The following CCDC66 variants were observed in gnomAD, a reference collection of about 807,000 sequenced individuals.
CCDC66 encodes the protein coiled-coil domain containing 66, also known as coiled-coil domain-containing protein 66.
CCDC66 carries 133 observed loss-of-function variants against 128.3 expected under a neutral mutation model. The ratio of observed to expected loss-of-function variants is 1.04; its 90% CI spans 0.90 to 1.20. CCDC66 has a LOEUF of 1.20. Among genes scored for constraint, CCDC66 ranks in the 50% most tolerant of loss-of-function variants. CCDC66 has a pLI of 0.00. For missense variants in CCDC66, 1,126 were observed against 1,075.5 expected (o/e 1.05, Z -0.66); for synonymous variants, 387 against 357.0 (o/e 1.08, Z -0.95).
intron 1 of CCDC66, 50 bp downstream of exon 1, chr3:56,557,303 G>T: frequency 6.5e-7 from 1 of 1,548,350 alleles, no homozygotes; most frequent in Non-Finnish European, 8.7e-7. Context: ...GTGGTCGTCA[G>T]CGGAGAGGGA....
At chr3:56,599,893 C>T (rs2072838018) in intron 10 of CCDC66, among the ~76,000 whole-genome samples, 1 of 152,098 alleles carries the variant, frequency 6.6e-6, no homozygotes, top group Non-Finnish European at 1.5e-5. Flanking sequence ...CATGTGTTCT[C>T]ATGGTTCAAC....
chr3:56,564,862 C>T (rs926135658), intron 4 of CCDC66, among the ~76,000 whole-genome samples: 1 of 152,178 alleles, frequency 6.6e-6, no homozygotes, highest in Non-Finnish European at 1.5e-5. Flanking sequence ...CCGTGATACT[C>T]AAGATGGAAT....
chr3:56,620,322 T>C (rs1239567905), intron 17 of CCDC66: 2 of 154,490 alleles, frequency 1.3e-5, no homozygotes, highest in African/African-American at 4.8e-5. Flanking sequence ...AGTAATAAAT[T>C]CAGTATGAAA....
At position 56,564,070 on chromosome 3, in the gene CCDC66, T is replaced by C. The variant is rs763816920; in HGVS notation, c.489T>C (p.Thr163=). ...TQDQLQQILM[T]VNQGNRSLSL... is the part of the protein sequence containing the mutation. Reference sequence around the variant, plus strand: ...ACCAACTACAACAGATTTTGATGACTGTAAACCAAGGAAATAGATCTCTTT... The same window carrying C: ...ACCAACTACAACAGATTTTGATGACCGTAAACCAAGGAAATAGATCTCTTT... The change falls in exon 4 of 18, where the codon ACT becomes ACC. Residue 163 remains threonine, a synonymous_variant. Transcript: ENST00000394672. 4 of 1,613,246 alleles carry C rather than the reference T, an allele frequency of 2.5e-6. No homozygotes were observed. In the South Asian group the frequency reaches 4.4e-5, roughly 18 times the overall value.
At chr3:56,582,385 C>A (rs1049948905) in intron 7 of CCDC66, among the ~76,000 whole-genome samples, 7 of 151,798 alleles carry the variant, frequency 4.6e-5, no homozygotes, top group Non-Finnish European at 1.0e-4. Context: ...GCCCCACCTG[C>A]TCCGTGGGCT....
At chr3:56,621,252 G>T (rs1486153608) in intron 17 of CCDC66, 4 of 243,494 alleles carry the variant, frequency 1.6e-5, no homozygotes, top group Non-Finnish European at 3.1e-5. Flanking sequence ...TGGACTGGGG[G>T]AGAAGGGATG....
intron 6 of CCDC66, among the ~76,000 whole-genome samples, chr3:56,568,990 A>T (rs1658976941): frequency 6.6e-6 from 1 of 152,212 alleles, no homozygotes; most frequent in Non-Finnish European, 1.5e-5. Flanking sequence ...CTAGTTGAAA[A>T]ACAAGAAAGT....
chr3:56,598,033 C>A (rs530613903), intron 10 of CCDC66, among the ~76,000 whole-genome samples: 2 of 151,866 alleles, frequency 1.3e-5, no homozygotes, highest in South Asian at 4.2e-4. Flanking sequence ...GCCTTGGCCT[C>A]CCAAAGTGCT....
chr3:56,564,999 G>A, intron 4 of CCDC66: 1 of 179,550 alleles, frequency 5.6e-6, no homozygotes. Flanking sequence ...AAAGTTAAAA[G>A]CAGAATTTGC....
At chr3:56,565,857 G>A (rs959371303) in intron 4 of CCDC66, among the ~76,000 whole-genome samples, 8 of 151,754 alleles carry the variant, frequency 5.3e-5, no homozygotes, top group Non-Finnish European at 1.0e-4. Flanking sequence ...TAGTAGAGAC[G>A]GGGTTTCACC....
chr3:56,614,364 A>G (rs1396510605), intron 11 of CCDC66, among the ~76,000 whole-genome samples: 2 of 152,190 alleles, frequency 1.3e-5, no homozygotes, highest in Non-Finnish European at 2.9e-5. Flanking sequence ...AATAATTATT[A>G]TATCAATAAT....
At chr3:56,565,199 G>T (rs766728140) in intron 4 of CCDC66, 2 of 395,632 alleles carry the variant, frequency 5.1e-6, no homozygotes, top group Admixed American at 5.4e-5. Flanking sequence ...GAAAAATAAC[G>T]TCAAGGTAAT....
At chr3:56,584,437 T>C (rs1249445562) in intron 7 of CCDC66, among the ~76,000 whole-genome samples, 1 of 149,860 alleles carries the variant, frequency 6.7e-6, no homozygotes, top group Non-Finnish European at 1.5e-5. Flanking sequence ...GCGGAGACGC[T>C]CCTCACCTCC....
intron 17 of CCDC66, chr3:56,620,430 C>G (rs1452568349): frequency 6.5e-6 from 1 of 152,748 alleles, no homozygotes; most frequent in Non-Finnish European, 1.5e-5. Flanking sequence ...CATCCTTACA[C>G]CTTTGCTCCA....
chr3:56,600,667 G>C (rs1266177395), intron 10 of CCDC66, among the ~76,000 whole-genome samples: 1 of 151,728 alleles, frequency 6.6e-6, no homozygotes, highest in Non-Finnish European at 1.5e-5. Context: ...TTTAATGATC[G>C]CCATTCTAAC....
intron 10 of CCDC66, among the ~76,000 whole-genome samples, chr3:56,607,549 C>T (rs1231504307): frequency 6.6e-6 from 1 of 152,116 alleles, no homozygotes; most frequent in East Asian, 1.9e-4. Context: ...AGGAGTCTTA[C>T]AGACTCCTAA....
intron 7 of CCDC66, 162 bp downstream of exon 7, chr3:56,571,464 C>T (rs886699741): frequency 2.2e-6 from 1 of 454,970 alleles, no homozygotes; most frequent in Non-Finnish European, 3.9e-6. Context: ...TCACTGCAAC[C>T]TACCCCTCCC....
At position 56,593,043 on chromosome 3, in the gene CCDC66, A is replaced by G; in HGVS notation, c.1010A>G (p.Asn337Ser). Residue 337 changes from asparagine (N) to serine (S), a missense_variant, in exon 8 of 18, where the codon AAT becomes AGT. Transcript: ENST00000394672. ...CAAAGAAAATGGATTGAAGAGTTGA[A>G]TAAGCAAATAGAAGATGACCGTCAA... ...ELQRKWIEELNKQIEDDRQRK... is the reference protein window; with the variant it reads ...ELQRKWIEELSKQIEDDRQRK... The G allele has an allele frequency of 6.2e-7, 1 of 1,610,028 alleles. No individual in the cohort carries two copies. Among genetic ancestry groups the G allele is most frequent in the Non-Finnish European group, 8.5e-7 (1 of 1,177,662 alleles).
chr3:56,619,666 C>CT (rs1185844872), intron 16 of CCDC66, 111 bp from the exon 17 acceptor site: 54 of 1,483,960 alleles, frequency 3.6e-5, no homozygotes, highest in Non-Finnish European at 3.6e-5. Flanking sequence ...TTTCTTAGTA[C>CT]TTTCCTAGGA....
Sources: gnomAD v4.1 joint callset for allele counts (sites outside exome capture counted in the v4.1 genomes callset) on GRCh38, gnomAD v4.1.1 for gene constraint, MANE v1.5 for transcripts, NCBI Gene and HGNC (gene_info 2026-07-23, HGNC 2026-07-21) for gene names.